Variants in BRINP1 observed in about 807,000 individuals in gnomAD.
The protein encoded by BRINP1 is BMP/retinoic acid inducible neural specific 1, also known as BMP/retinoic acid-inducible neural-specific protein 1.
BRINP1 carries 17 observed loss-of-function variants against 72.9 expected under a neutral mutation model. That is an observed-to-expected ratio of 0.23 (90% confidence interval 0.16 to 0.35). BRINP1 has a LOEUF of 0.35. Among genes scored for constraint, BRINP1 ranks in the 10% least tolerant of loss-of-function variants. BRINP1 has a pLI of 1.00. For synonymous variants in BRINP1, 418 were observed against 378.5 expected, an observed-to-expected ratio of 1.10 and a Z score of -1.21; for missense variants, 850 against 1,001.6, an observed-to-expected ratio of 0.85 and a Z score of 2.04.
At chr9:119,211,738 T>TA (rs1829931459) in intron 6 of BRINP1, among the ~76,000 whole-genome samples, 1 of 152,178 alleles carries the variant, frequency 6.6e-6, no homozygotes, top group African/African-American at 2.4e-5. Context: ...GTGATGCACA[T>TA]ACGGATGAAT....
rs565484211 is a variant in BRINP1 at position 119,341,282 on chromosome 9, A to G, written c.-51+27774T>C. Among the ~76,000 whole-genome samples the G allele has an allele frequency of 9.2e-5, 14 of 152,346 alleles. No individual in the cohort carries two copies. In the South Asian group the frequency reaches 1.0e-3, roughly 11 times the overall value. Reference sequence around the variant, plus strand: ...GCTTTAAATGGAGACTCGATTTTTCATAACGTAACTTTAACCCACATAATG... The same window carrying G: ...GCTTTAAATGGAGACTCGATTTTTCGTAACGTAACTTTAACCCACATAATG... On this transcript the variant is annotated intron_variant, in intron 1 of 7. Coordinates refer to ENST00000265922, the MANE Select transcript of BRINP1 (RefSeq NM_014618.3).
rs1030988808 is a variant in BRINP1, at chr9:119,252,502, G to A, written c.219-3352C>T. 3.3e-5 allele frequency among the ~76,000 whole-genome samples: 5 copies of A among 151,300 alleles called. No individual in the cohort carries two copies. The East Asian group carries it at 9.7e-4, about 29-fold the overall frequency. On this transcript the variant is annotated intron_variant, in intron 2 of 7. Coordinates refer to ENST00000265922, the MANE Select transcript of BRINP1 (RefSeq NM_014618.3). ...TAATTATGAGGTTATATATATATAT[G>A]CATATAAACATACTGATATATCAGT... is the stretch of plus-strand genomic sequence containing the variant.
At chr9:119,310,598 C>G (rs781180659) in intron 2 of BRINP1, among the ~76,000 whole-genome samples, 3 of 152,106 alleles carry the variant, frequency 2.0e-5, no homozygotes, top group African/African-American at 7.2e-5. Flanking sequence ...TCCCAATCAC[C>G]CTGGGTTCCA....
rs544467168 is a variant in BRINP1, at chr9:119,365,420, C to A, written c.-51+3636G>T. Among the ~76,000 whole-genome samples, 11 of 152,188 alleles carry A rather than the reference C, an allele frequency of 7.2e-5. No individual in the cohort carries two copies. In the East Asian group the frequency reaches 2.1e-3, roughly 29 times the overall value. ...AACATGGTTACCAGTAGTTCAGCAG[C>A]CAATTTGTTAAGCTTTGTATTTCAG... On this transcript the variant is annotated intron_variant, in intron 1 of 7. Coordinates refer to ENST00000265922, the MANE Select transcript of BRINP1 (RefSeq NM_014618.3).
chr9:119,314,957 T>C (rs931706720), intron 1 of BRINP1, among the ~76,000 whole-genome samples: 1 of 152,176 alleles, frequency 6.6e-6, no homozygotes, highest in Admixed American at 6.5e-5. Flanking sequence ...TATGACAGTG[T>C]TTTTGTTCAC....
chr9:119,316,888 C>A (rs551705675), intron 1 of BRINP1, among the ~76,000 whole-genome samples: 10 of 151,776 alleles, frequency 6.6e-5, no homozygotes, highest in African/African-American at 2.2e-4. Context: ...GTCAAGAGAT[C>A]GAGACTATCC....
intron 7 of BRINP1, among the ~76,000 whole-genome samples, chr9:119,207,791 T>TCTCTTAAAA (rs1829873765): frequency 6.6e-6 from 1 of 152,002 alleles, no homozygotes; most frequent in Non-Finnish European, 1.5e-5. Flanking sequence ...TTTTTAAGAG[T>TCTCTTAAAA]GGATCTTTTT....
chr9:119,313,403 G>A lies in BRINP1; in HGVS notation c.-48C>T. 1.3e-6 allele frequency: 2 copies of A among 1,583,760 alleles called. No homozygotes were observed. The highest frequency in any genetic ancestry group is 1.2e-5 in the South Asian group (1 of 86,428). ...TCTCATTCTTGCTCCATTCTGTGGA[G>A]TCCTATAGAAGAAAGAATAAAAAAG... On this transcript the variant is annotated splice_region_variant and 5_prime_UTR_variant, in exon 2 of 8. Coordinates refer to ENST00000265922, the MANE Select transcript of BRINP1 (RefSeq NM_014618.3).
In BRINP1 at chr9:119,369,328, C is replaced by T. The variant is rs11791877; in HGVS notation, c.-323G>A. ...TCTCGCTCTCGCTCTCGCTGTTGCT[C>T]GCTCGCTCTCTCCCTCTCTCGCGGG... is the stretch of plus-strand genomic sequence containing the variant. On this transcript the variant is annotated 5_prime_UTR_variant, in exon 1 of 8. Coordinates refer to ENST00000265922, the MANE Select transcript of BRINP1 (RefSeq NM_014618.3). 2.6e-4 allele frequency: 103 copies of T among 398,702 alleles called. No homozygotes were observed. Among genetic ancestry groups the T allele is most frequent in the African/African-American group, 1.8e-3 (87 of 48,762 alleles). The allele number at this position is 398,702 out of a possible 1,614,324, so 24.7% of individuals were successfully genotyped here. A position where few individuals can be genotyped will look rare whatever the true frequency, so the allele number is the denominator to read the frequency against.
At chr9:119,204,948 C>T (rs1829838028) in intron 7 of BRINP1, among the ~76,000 whole-genome samples, 1 of 152,342 alleles carries the variant, frequency 6.6e-6, no homozygotes, top group African/African-American at 2.4e-5. Context: ...CTCTGTGGCA[C>T]CTGCTGCAGT....
At chr9:119,175,327 C>T (rs987648157) in intron 7 of BRINP1, among the ~76,000 whole-genome samples, 2 of 151,354 alleles carry the variant, frequency 1.3e-5, no homozygotes, top group African/African-American at 4.9e-5. Flanking sequence ...ACAATGAGAA[C>T]ACATGGACAC....
chr9:119,180,975 G>C (rs1311801928), intron 7 of BRINP1, among the ~76,000 whole-genome samples: 1 of 152,174 alleles, frequency 6.6e-6, no homozygotes, highest in African/African-American at 2.4e-5. Context: ...GTTGTCAGGA[G>C]CCTAATTGAG....
chr9:119,350,253 C>A (rs1259278339), intron 1 of BRINP1, among the ~76,000 whole-genome samples: 1 of 152,144 alleles, frequency 6.6e-6, no homozygotes, highest in Non-Finnish European at 1.5e-5. Flanking sequence ...AACAGGGGAA[C>A]TTTAACAAAA....
chr9:119,240,532 C>T (rs1380926695), intron 4 of BRINP1, among the ~76,000 whole-genome samples: 2 of 152,138 alleles, frequency 1.3e-5, no homozygotes, highest in African/African-American at 4.8e-5. Flanking sequence ...ATTCCACATC[C>T]CATCCAGCGA....
At chr9:119,316,058 T>C (rs1831120878) in intron 1 of BRINP1, among the ~76,000 whole-genome samples, 1 of 152,180 alleles carries the variant, frequency 6.6e-6, no homozygotes, top group African/African-American at 2.4e-5. Context: ...GCTTCAATTA[T>C]TGATGAAGAT....
chr9:119,356,799 C>T (rs1208522788), intron 1 of BRINP1, among the ~76,000 whole-genome samples: 6 of 134,346 alleles, frequency 4.5e-5, no homozygotes, highest in South Asian at 3.2e-4. Flanking sequence ...AGTGAGGCTC[C>T]GTCTCAAAAA....
chr9:119,298,914 CT>C (rs797009907), intron 2 of BRINP1, among the ~76,000 whole-genome samples: 17 of 151,296 alleles, frequency 1.1e-4, no homozygotes, highest in Admixed American at 5.9e-4. Flanking sequence ...TGAGCCAATA[CT>C]TTTTTTTTAA....
intron 2 of BRINP1, among the ~76,000 whole-genome samples, chr9:119,299,553 C>T (rs2118981146): frequency 6.7e-6 from 1 of 148,612 alleles, no homozygotes; most frequent in African/African-American, 2.5e-5. Flanking sequence ...GCGGAGGTTG[C>T]AGTGAGCCGA....
intron 7 of BRINP1, among the ~76,000 whole-genome samples, chr9:119,181,499 T>C (rs1263040925): frequency 1.3e-5 from 2 of 152,236 alleles, no homozygotes; most frequent in East Asian, 1.9e-4. Context: ...AGGTAACATC[T>C]ACTTTTCACT....
Sources: gnomAD v4.1 joint callset for allele counts (sites outside exome capture counted in the v4.1 genomes callset) on GRCh38, gnomAD v4.1.1 for gene constraint, MANE v1.5 for transcripts, NCBI Gene and HGNC (gene_info 2026-07-23, HGNC 2026-07-21) for gene names.